TRPM8: variants seen among roughly 807,000 people sequenced by gnomAD.
TRPM8 encodes TRPM8 cationic channel.
A neutral mutation model predicts 133.7 loss-of-function variants in TRPM8; 110 were observed. The observed-to-expected ratio is 0.82, with a 90% CI of 0.70 to 0.96. The LOEUF is 0.96. Ranked by LOEUF, TRPM8 falls within the 40% of genes least tolerant of loss-of-function variation. The pLI, the probability that TRPM8 is intolerant of heterozygous loss-of-function variation, is 0.00. For missense variants in TRPM8, 1,291 were observed against 1,379.5 expected, an observed-to-expected ratio of 0.94 and a Z score of 1.02; for synonymous variants, 535 against 532.3, an observed-to-expected ratio of 1.01 and a Z score of -0.07.
At chr2:234,005,921 G>A (rs60290927) in intron 22 of TRPM8, among the ~76,000 whole-genome samples, 52,721 of 132,698 alleles carry the variant, frequency 0.4, 9,401 homozygotes, top group East Asian at 0.58. Context: ...AGAGCGAAAC[G>A]TCATCTACAC....
At position 233,983,731 on chromosome 2, in the gene TRPM8, G is replaced by T. The variant is rs77486078; in HGVS notation, c.2761+507G>T. Among the ~76,000 whole-genome samples, 778 of 152,296 alleles carry T rather than the reference G, an allele frequency of 5.1e-3. 6 individuals are homozygous for T. Among genetic ancestry groups the T allele is most frequent in the African/African-American group, 0.018 (735 of 41,556 alleles). On this transcript the variant is annotated intron_variant, in intron 20 of 25. Transcript: ENST00000324695. ...ACCCGATTTACAGAAGGAAAGTGAG[G>T]GGCTATGTAAATTGTGTGTTTTGGA...
intron 25 of TRPM8, among the ~76,000 whole-genome samples, chr2:234,015,174 C>A (rs1692929240): frequency 6.6e-6 from 1 of 152,160 alleles, no homozygotes; most frequent in Admixed American, 6.5e-5. Context: ...CTCTTTTGCA[C>A]AATAAAAATG....
At chr2:233,979,499 A>T (rs1217424442) in intron 17 of TRPM8, among the ~76,000 whole-genome samples, 1 of 152,238 alleles carries the variant, frequency 6.6e-6, no homozygotes, top group Non-Finnish European at 1.5e-5. Context: ...TTGATTTAGG[A>T]GTCATCCAGA....
intron 17 of TRPM8, 40 bp from the exon 18 acceptor site, chr2:233,980,148 C>A: frequency 7.4e-7 from 1 of 1,345,256 alleles, no homozygotes; most frequent in South Asian, 1.3e-5. Flanking sequence ...TTGATATTTC[C>A]AAGCTGCTGA....
intron 25 of TRPM8, among the ~76,000 whole-genome samples, chr2:234,015,940 G>T (rs1162789211): frequency 2.6e-5 from 4 of 152,174 alleles, no homozygotes; most frequent in African/African-American, 7.2e-5. Context: ...CAACTAAAAT[G>T]ATACAAATCT....
chr2:233,933,841 G>A (rs1691729017), intron 3 of TRPM8: 1 of 167,184 alleles, frequency 6.0e-6, no homozygotes, highest in African/African-American at 2.4e-5. Context: ...AGTAGCCTGG[G>A]CTCAGGAAGT....
intron 9 of TRPM8, among the ~76,000 whole-genome samples, chr2:233,950,818 G>A (rs936978355): frequency 6.6e-6 from 1 of 152,218 alleles, no homozygotes; most frequent in African/African-American, 2.4e-5. Flanking sequence ...AATTCTGTTG[G>A]TTGGGAAAAG....
At chr2:233,951,312 A>G (rs1663609901) in intron 9 of TRPM8, among the ~76,000 whole-genome samples, 2 of 152,222 alleles carry the variant, frequency 1.3e-5, no homozygotes, top group Admixed American at 1.3e-4. Context: ...AAGACACTGC[A>G]TATTGATTGC....
chr2:233,975,604 G>T (rs1187497203), intron 17 of TRPM8, among the ~76,000 whole-genome samples: 1 of 152,182 alleles, frequency 6.6e-6, no homozygotes, highest in Non-Finnish European at 1.5e-5. Flanking sequence ...CCAGAGGCTG[G>T]GCACGGTGGC....
intron 21 of TRPM8, among the ~76,000 whole-genome samples, chr2:233,994,648 A>G (rs1404929120): frequency 6.6e-6 from 1 of 152,120 alleles, no homozygotes; most frequent in Non-Finnish European, 1.5e-5. Flanking sequence ...AAAGCCAATA[A>G]CCATTGTCTG....
chr2:233,996,287 C>A (rs201002792), intron 21 of TRPM8, 39 bp from the exon 22 acceptor site: 4 of 1,593,388 alleles, frequency 2.5e-6, no homozygotes, highest in African/African-American at 1.3e-5. Flanking sequence ...ATGAGGCATG[C>A]GCAATGCTAA....
At chr2:233,918,213 T>C (rs1475472365) in intron 1 of TRPM8, among the ~76,000 whole-genome samples, 1 of 151,954 alleles carries the variant, frequency 6.6e-6, no homozygotes, top group African/African-American at 2.4e-5. Context: ...ATCTTGACAG[T>C]GCAAAGGACT....
intron 3 of TRPM8, 155 bp from the exon 4 acceptor site, chr2:233,937,198 A>C: frequency 1.0e-6 from 1 of 952,544 alleles, no homozygotes; most frequent in Non-Finnish European, 1.5e-6. Context: ...ACCCGTCCAC[A>C]TCAAACTAGT....
rs1691133330 is a variant in TRPM8, at chr2:233,949,953, T to C, written c.947T>C (p.Ile316Thr). The C allele has an allele frequency of 6.2e-7, 1 of 1,613,952 alleles. No homozygotes were observed. The highest frequency in any genetic ancestry group is 1.3e-5 in the African/African-American group (1 of 74,916). Residue 316 changes from isoleucine to threonine, a missense_variant, in exon 9 of 26, where the codon ATC becomes ACC. Ile to Thr is a moderately conservative substitution (Grantham distance 89, BLOSUM62 -1). Around this residue, in one of 2 missense-constraint regions of TRPM8, gnomAD observed 963 missense variants for 968.9 expected, o/e 0.99. Transcript: ENST00000324695. ...GACTCTGTCTCCTTCCTCCAGGCCATCAATACCTCCATCAAAAATAAAATT... is the reference window on the plus strand; with the variant it reads ...GACTCTGTCTCCTTCCTCCAGGCCACCAATACCTCCATCAAAAATAAAATT... ...QGGGKETLKA[I>T]NTSIKNKIPC...
intron 21 of TRPM8, among the ~76,000 whole-genome samples, chr2:233,986,602 T>C (rs934232909): frequency 6.6e-6 from 1 of 152,156 alleles, no homozygotes; most frequent in Non-Finnish European, 1.5e-5. Flanking sequence ...TGTTAAACCT[T>C]TGGGTGGAAG....
chr2:233,954,992 G>GAC, intron 10 of TRPM8, 140 bp from the exon 11 acceptor site: 1 of 630,752 alleles, frequency 1.6e-6, no homozygotes, highest in Non-Finnish European at 2.9e-6. Context: ...TAGAGTGAAT[G>GAC]ACAGTTTGAG....
intron 18 of TRPM8, among the ~76,000 whole-genome samples, chr2:233,981,453 C>T (rs1692006518): frequency 1.3e-5 from 2 of 152,096 alleles, no homozygotes; most frequent in Admixed American, 1.3e-4. Context: ...TTATAGAAGC[C>T]TTGTGAGCCA....
At chr2:233,951,330 C>T (rs538106766) in intron 9 of TRPM8, among the ~76,000 whole-genome samples, 1 of 152,342 alleles carries the variant, frequency 6.6e-6, no homozygotes, top group Non-Finnish European at 1.5e-5. Context: ...TGCATATTGA[C>T]TGCCACTCTC....
chr2:233,967,845 C>T (rs1485157791), intron 15 of TRPM8, among the ~76,000 whole-genome samples: 1 of 152,010 alleles, frequency 6.6e-6, no homozygotes, highest in Non-Finnish European at 1.5e-5. Context: ...TCACACTCTA[C>T]TTATGTCTTC....
Sources: allele counts gnomAD v4.1 joint callset (sites outside exome capture counted in the v4.1 genomes callset), GRCh38; gene constraint gnomAD v4.1.1; regional missense constraint gnomAD v4.1.1; transcripts MANE v1.5; gene names NCBI Gene and HGNC (gene_info 2026-07-23, HGNC 2026-07-21).